Variants in SLC13A3 observed in about 807,000 individuals in gnomAD.
SLC13A3 encodes solute carrier family 13 member 3, also known as Na(+)/dicarboxylate cotransporter 3.
In SLC13A3, 40 loss-of-function variants were observed where a neutral mutation model predicts 59.0. The ratio of observed to expected loss-of-function variants is 0.68; its 90% confidence interval spans 0.53 to 0.88. The LOEUF (loss-of-function observed/expected upper bound fraction) is 0.88, where lower values mean the gene tolerates loss of function less well. Among genes scored for constraint, SLC13A3 ranks in the 40% least tolerant of loss-of-function variants. The pLI, the probability that SLC13A3 is intolerant of heterozygous loss-of-function variation, is 0.00. For missense variants in SLC13A3, 699 were observed against 783.2 expected, an observed-to-expected ratio of 0.89 and a Z score of 1.28; for synonymous variants, 317 against 330.3, an observed-to-expected ratio of 0.96 and a Z score of 0.44.
intron 1 of SLC13A3, among the ~76,000 whole-genome samples, chr20:46,667,077 G>A (rs1297735655): frequency 6.6e-6 from 1 of 151,950 alleles, no homozygotes; most frequent in Admixed American, 6.6e-5. Flanking sequence ...AACACCGAGG[G>A]CAAGTTATTT....
At chr20:46,637,049 T>A (rs1272045107) in intron 1 of SLC13A3, among the ~76,000 whole-genome samples, 1 of 152,138 alleles carries the variant, frequency 6.6e-6, no homozygotes, top group Non-Finnish European at 1.5e-5. Context: ...TCTGCCCACC[T>A]CAGCCTCCCA....
chr20:46,563,595 C>T, intron 11 of SLC13A3, 44 bp from the exon 12 acceptor site: 1 of 1,580,500 alleles, frequency 6.3e-7, no homozygotes, highest in South Asian at 1.1e-5. Context: ...GAGACCAACG[C>T]AGAGCGACCA....
Position 46,659,718 on chromosome 20 carries a change from C to A in SLC13A3, c.-31+10325G>T, listed in dbSNP as rs1039703839. The stretch of plus-strand genomic sequence containing the variant: ...GTGACAGAGTGAGACCCTATCCCCC[C>A]CCCCCAAAAAAAAAAAGAAAAAACA... On this transcript the variant is annotated intron_variant, in intron 1 of 12. Transcript: ENST00000290317. 7.3e-4 allele frequency among the ~76,000 whole-genome samples: 108 copies of A among 148,714 alleles called. 1 individual carries two copies. Among genetic ancestry groups the A allele is most frequent in the Non-Finnish European group, 4.3e-4 (29 of 67,214 alleles).
At chr20:46,588,198 C>A (rs755065173) in intron 7 of SLC13A3, 35 bp from the exon 8 acceptor site, 1 of 1,397,016 alleles carries the variant, frequency 7.2e-7, no homozygotes. Context: ...ATGGTGACCC[C>A]GGGTTTCAGG....
intron 3 of SLC13A3, among the ~76,000 whole-genome samples, chr20:46,609,861 C>A (rs1436640138): frequency 6.6e-6 from 1 of 152,144 alleles, no homozygotes; most frequent in Non-Finnish European, 1.5e-5. Flanking sequence ...CCCTCCTGGA[C>A]CTATAGGAGA....
At chr20:46,655,762 A>C (rs570450691), upstream of SLC13A3, among the ~76,000 whole-genome samples, 1 of 145,570 alleles carries the variant, frequency 6.9e-6, no homozygotes, top group Non-Finnish European at 1.5e-5. Context: ...TATTTTATAC[A>C]AAAGAAAATA....
At chr20:46,680,292 T>C (rs963444833) in intron 1 of SLC13A3, among the ~76,000 whole-genome samples, 12 of 152,306 alleles carry the variant, frequency 7.9e-5, no homozygotes, top group African/African-American at 2.9e-4. Flanking sequence ...TGGAGCTGTA[T>C]TATAATCACC....
At chr20:46,579,624 T>C (rs1480413421) in intron 9 of SLC13A3, among the ~76,000 whole-genome samples, 4 of 152,162 alleles carry the variant, frequency 2.6e-5, no homozygotes, top group Non-Finnish European at 1.5e-5. Context: ...CACTGGGAAA[T>C]GCTGGAAACT....
intron 1 of SLC13A3, among the ~76,000 whole-genome samples, chr20:46,620,717 C>A (rs1298908597): frequency 6.6e-6 from 1 of 151,734 alleles, no homozygotes; most frequent in Non-Finnish European, 1.5e-5. Flanking sequence ...TGAAAAGGAC[C>A]AACAATTAAC....
At position 46,640,337 on chromosome 20, in the gene SLC13A3, A is replaced by G. The variant is rs562692422; in HGVS notation, c.111+10974T>C. On this transcript the variant is annotated intron_variant, in intron 1 of 12. Coordinates refer to ENST00000279027, the MANE Select transcript of SLC13A3 (RefSeq NM_022829.6). Reference sequence around the variant, plus strand: ...GTAGAGCTAAAAGGGTGGGGAAGGGACTTCACCAGGTTGACCGGCAGGGCA... The same window carrying G: ...GTAGAGCTAAAAGGGTGGGGAAGGGGCTTCACCAGGTTGACCGGCAGGGCA... Among the ~76,000 whole-genome samples the G allele has an allele frequency of 6.6e-5, 10 of 152,050 alleles. No individual in the cohort carries two copies. The South Asian group carries it at 2.1e-3, about 32-fold the overall frequency.
chr20:46,663,085 G>T (rs2063041339), intron 1 of SLC13A3, among the ~76,000 whole-genome samples: 1 of 152,034 alleles, frequency 6.6e-6, no homozygotes, highest in African/African-American at 2.4e-5. Context: ...CCAGAAGTTT[G>T]ATATCAGCCT....
At chr20:46,579,976 T>C (rs1005206677) in intron 9 of SLC13A3, among the ~76,000 whole-genome samples, 3 of 152,166 alleles carry the variant, frequency 2.0e-5, no homozygotes, top group Non-Finnish European at 2.9e-5. Flanking sequence ...CACTACTTTT[T>C]TTTTTTTGAG....
intron 5 of SLC13A3, among the ~76,000 whole-genome samples, chr20:46,595,488 A>G (rs2122691459): frequency 6.6e-6 from 1 of 151,996 alleles, no homozygotes; most frequent in African/African-American, 2.4e-5. Flanking sequence ...CCACTGGGGG[A>G]CCCTGCTTAT....
At chr20:46,611,301 T>C (rs541361751) in intron 2 of SLC13A3, among the ~76,000 whole-genome samples, 6 of 152,296 alleles carry the variant, frequency 3.9e-5, no homozygotes, top group African/African-American at 1.4e-4. Flanking sequence ...TTTTAATTAT[T>C]GTAATTTTAG....
chr20:46,600,035 C>T lies in SLC13A3; in HGVS notation c.544G>A (p.Ala182Thr), dbSNP rs201118780. The change falls in exon 4 of 13, where the codon GCT becomes ACT. Residue 182 changes from alanine (A) to threonine (T), a missense_variant and splice_region_variant. By Grantham distance (58) the Ala-to-Thr change is moderately conservative. Coordinates refer to ENST00000279027, the MANE Select transcript of SLC13A3 (RefSeq NM_022829.6). ...GTGTGTAGGCCGTTTCTCCGCACAG[C>T]AGCTAGGAGGAAAGAGCATGATGTC... Reference protein sequence around the residue: ...PSQESEENTAAVRRNGLHTVP... With the variant: ...PSQESEENTATVRRNGLHTVP... The T allele has an allele frequency of 9.5e-5, 148 of 1,558,874 alleles. No homozygotes were observed. The African/African-American group carries it at 1.8e-3, about 19-fold the overall frequency.
chr20:46,612,960 C>T (rs2062514428), intron 2 of SLC13A3, among the ~76,000 whole-genome samples: 1 of 152,192 alleles, frequency 6.6e-6, no homozygotes, highest in African/African-American at 2.4e-5. Context: ...AGAATGCTAA[C>T]AGCCAGCATT....
intron 1 of SLC13A3, among the ~76,000 whole-genome samples, chr20:46,660,721 C>T (rs937659533): frequency 2.6e-5 from 4 of 152,122 alleles, no homozygotes; most frequent in Non-Finnish European, 2.9e-5. Context: ...CTTCAAATAC[C>T]TCTTTTGCCC....
At chr20:46,585,694 A>C in intron 8 of SLC13A3, 3 of 1,298,682 alleles carry the variant, frequency 2.3e-6, no homozygotes, top group Non-Finnish European at 3.0e-6. Context: ...GATTTAGCTG[A>C]TCTTCACATT....
At chr20:46,588,794 A>G (rs1600524866) in intron 7 of SLC13A3, among the ~76,000 whole-genome samples, 1 of 152,162 alleles carries the variant, frequency 6.6e-6, no homozygotes, top group Non-Finnish European at 1.5e-5. Context: ...GTCCTTGAAC[A>G]CAGGCCTACT....
Sources: gnomAD v4.1 joint callset for allele counts (sites outside exome capture counted in the v4.1 genomes callset) on GRCh38, gnomAD v4.1.1 for gene constraint, MANE v1.5 for transcripts, NCBI Gene and HGNC (gene_info 2026-07-23, HGNC 2026-07-21) for gene names.